DLGAP2: variants seen among roughly 807,000 people sequenced by gnomAD.
The protein encoded by DLGAP2 is disks large-associated protein 2.
In DLGAP2, 26 loss-of-function variants were observed where a neutral mutation model predicts 100.3. The ratio of observed to expected loss-of-function variants is 0.26; its 90% CI spans 0.19 to 0.36. DLGAP2 has a LOEUF of 0.36. Among genes scored for constraint, DLGAP2 ranks in the 10% least tolerant of loss-of-function variants. DLGAP2 has a pLI of 1.00. For synonymous variants in DLGAP2, 886 were observed against 630.1 expected, an observed-to-expected ratio of 1.41 and a Z score of -6.08; for missense variants, 1,858 against 1,453.2, an observed-to-expected ratio of 1.28 and a Z score of -4.53.
chr8:1,512,850 C>T (rs572411000), intron 4 of DLGAP2, among the ~76,000 whole-genome samples: 23 of 152,344 alleles, frequency 1.5e-4, no homozygotes, highest in African/African-American at 5.0e-4. Flanking sequence ...ATTTGTCTTC[C>T]GAATGACCCT....
At chr8:1,106,807 A>G in intron 2 of DLGAP2, among the ~76,000 whole-genome samples, 1 of 152,224 alleles carries the variant, frequency 6.6e-6, no homozygotes, top group East Asian at 1.9e-4. Context: ...TAGGAGGGTG[A>G]GGTGCTTGTC....
chr8:1,494,923 T>G (rs997765364), intron 3 of DLGAP2, among the ~76,000 whole-genome samples: 3 of 152,144 alleles, frequency 2.0e-5, no homozygotes, highest in Admixed American at 2.0e-4. Context: ...TCCACAGAAC[T>G]AGAGATGATC....
intron 2 of DLGAP2, among the ~76,000 whole-genome samples, chr8:941,437 G>A (rs1799193211): frequency 6.6e-6 from 1 of 152,096 alleles, no homozygotes; most frequent in Non-Finnish European, 1.5e-5. Flanking sequence ...CTCGAGATGT[G>A]CACATCAGGC....
chr8:1,363,988 C>A (rs1021750051), intron 3 of DLGAP2, among the ~76,000 whole-genome samples: 1 of 152,210 alleles, frequency 6.6e-6, no homozygotes, highest in Non-Finnish European at 1.5e-5. Context: ...CCCAGCCCCT[C>A]ATCCTCTGTC....
intron 2 of DLGAP2, among the ~76,000 whole-genome samples, chr8:1,218,876 A>G (rs539083380): frequency 2.2e-4 from 34 of 152,096 alleles, no homozygotes; most frequent in South Asian, 4.1e-4. Context: ...AATTTTATTC[A>G]TTTTGTGACT....
At chr8:927,161 T>C in intron 2 of DLGAP2, 1 of 985,366 alleles carries the variant, frequency 1.0e-6, no homozygotes, top group Non-Finnish European at 1.2e-6. Flanking sequence ...CTGGTGATGA[T>C]GTGTCAGATG....
intron 2 of DLGAP2, among the ~76,000 whole-genome samples, chr8:1,191,249 G>GC (rs201408855): frequency 0.77 from 115,289 of 148,832 alleles, 45,105 homozygotes; most frequent in Non-Finnish European, 0.83. Flanking sequence ...TCGGCTCACT[G>GC]CAGCTCCACC....
intron 3 of DLGAP2, among the ~76,000 whole-genome samples, chr8:1,482,023 G>C (rs1030527376): frequency 6.6e-6 from 1 of 152,186 alleles, no homozygotes; most frequent in Non-Finnish European, 1.5e-5. Context: ...TGTGTTCCTC[G>C]GGGGAAAGTT....
Position 1,165,142 on chromosome 8 carries a change from C to T in DLGAP2, c.74-93709C>T, listed in dbSNP as rs1208310194. ...GCTGCCAGATAGAGAGAGAGGAAGA[C>T]AGAGAGGGGGAGAGGAAAGGAGACA... On this transcript the variant is annotated intron_variant, in intron 2 of 14. Transcript: ENST00000637795. Among the ~76,000 whole-genome samples the T allele has an allele frequency of 2.4e-5, 3 of 122,542 alleles. No individual in the cohort carries two copies. In the Admixed American group the frequency reaches 3.4e-4, roughly 14 times the overall value. 80.4% of individuals were successfully genotyped at this position (122,542 alleles called of 152,430 possible).
At chr8:741,407 T>C (rs1820480534) in intron 1 of DLGAP2, among the ~76,000 whole-genome samples, 1 of 152,220 alleles carries the variant, frequency 6.6e-6, no homozygotes, top group African/African-American at 2.4e-5. Flanking sequence ...GTGCACTGAC[T>C]TCATCTGCCT....
chr8:851,916 T>C (rs978372518), intron 1 of DLGAP2, among the ~76,000 whole-genome samples: 13 of 152,142 alleles, frequency 8.5e-5, no homozygotes, highest in African/African-American at 2.9e-4. Context: ...GTCTTTATTA[T>C]TACTCCTCTC....
chr8:1,094,730 C>T (rs1047354779), intron 2 of DLGAP2, among the ~76,000 whole-genome samples: 10 of 152,322 alleles, frequency 6.6e-5, no homozygotes, highest in African/African-American at 2.2e-4. Flanking sequence ...AGCTCCGTGC[C>T]TCCCCCTCTT....
At chr8:1,669,907 T>G (rs536800037) in intron 10 of DLGAP2, 123 bp downstream of exon 10, 6 of 718,372 alleles carry the variant, frequency 8.4e-6, no homozygotes, top group African/African-American at 1.7e-5. Context: ...GGCACTATGC[T>G]GGGTGCTCCC....
intron 4 of DLGAP2, among the ~76,000 whole-genome samples, chr8:1,514,070 C>T (rs1030075610): frequency 1.3e-5 from 2 of 152,232 alleles, no homozygotes; most frequent in African/African-American, 4.8e-5. Flanking sequence ...GCGCCCACCA[C>T]TCTGGAGAAG....
At chr8:1,695,034 G>T (rs940905358) in intron 13 of DLGAP2, among the ~76,000 whole-genome samples, 1 of 152,160 alleles carries the variant, frequency 6.6e-6, no homozygotes, top group South Asian at 2.1e-4. Context: ...TGTTGTTGCC[G>T]AGGAGAGGAG....
intron 2 of DLGAP2, among the ~76,000 whole-genome samples, chr8:1,052,676 G>T (rs1802755946): frequency 6.6e-6 from 1 of 152,160 alleles, no homozygotes; most frequent in Non-Finnish European, 1.5e-5. Flanking sequence ...TAGGGGGGCA[G>T]TTTGTTTTTT....
chr8:1,456,093 G>A (rs185683093), intron 3 of DLGAP2, among the ~76,000 whole-genome samples: 2 of 152,312 alleles, frequency 1.3e-5, no homozygotes, highest in African/African-American at 4.8e-5. Context: ...AGCAGCTTTC[G>A]ATGGATCAAA....
At chr8:1,423,602 G>C (rs550558786) in intron 3 of DLGAP2, among the ~76,000 whole-genome samples, 1 of 152,220 alleles carries the variant, frequency 6.6e-6, no homozygotes. Flanking sequence ...GGAACACGAT[G>C]TTGGGAGCAG....
intron 1 of DLGAP2, among the ~76,000 whole-genome samples, chr8:849,412 C>T (rs760084015): frequency 1.3e-5 from 2 of 152,180 alleles, no homozygotes; most frequent in African/African-American, 2.4e-5. Flanking sequence ...AAATACTGAG[C>T]GCAGGAGTTT....
Sources: allele counts gnomAD v4.1 joint callset (sites outside exome capture counted in the v4.1 genomes callset), GRCh38; gene constraint gnomAD v4.1.1; transcripts MANE v1.5; gene names NCBI Gene and HGNC (gene_info 2026-07-23, HGNC 2026-07-21).